CADM3: variants seen among roughly 807,000 people sequenced by gnomAD.
The protein encoded by CADM3 is cell adhesion molecule 3, also known as TSLC1-like 1.
Under a neutral mutation model 44.9 loss-of-function variants are expected in CADM3, and 11 were observed. The observed-to-expected ratio is 0.25, with a 90% confidence interval of 0.15 to 0.41. The LOEUF (loss-of-function observed/expected upper bound fraction) is 0.41. CADM3 is among the 10% of genes least tolerant of loss of function. The pLI, the probability that CADM3 is intolerant of heterozygous loss-of-function variation, is 1.00. For missense variants in CADM3, 426 were observed against 512.0 expected (o/e 0.83, Z 1.62); for synonymous variants, 207 against 205.2 (o/e 1.01, Z -0.08).
chr1:159,192,114 T>G, intron 2 of CADM3, 38 bp downstream of exon 2: 1 of 1,608,878 alleles, frequency 6.2e-7, no homozygotes, highest in South Asian at 1.1e-5. Context: ...GTGAAAACCA[T>G]GGGCTAGAGA....
intron 1 of CADM3, among the ~76,000 whole-genome samples, chr1:159,191,725 G>A (rs961245423): frequency 2.6e-5 from 4 of 152,116 alleles, no homozygotes; most frequent in African/African-American, 9.7e-5. Flanking sequence ...TTGTTTTTCT[G>A]TGTATTCAAA....
chr1:159,184,917 GA>G lies in CADM3; in HGVS notation c.89-7015del, dbSNP rs1296215368. 2.6e-5 allele frequency among the ~76,000 whole-genome samples: 4 copies of G among 152,146 alleles called. No homozygotes were observed. In the East Asian group the frequency reaches 7.7e-4, roughly 29 times the overall value. ...TCTTAATATGAACAATCAATAAGAA[GA>G]AAATCAGTGGGTGAAAGGGCTACTT... On this transcript the variant is annotated intron_variant, in intron 1 of 8. Transcript: ENST00000368125.
Position 159,201,008 on chromosome 1 carries a change from G to C in CADM3, c.*86G>C. 1 of 874,666 alleles carries C rather than the reference G, an allele frequency of 1.1e-6. No homozygotes were observed. Among genetic ancestry groups the C allele is most frequent in the South Asian group, 2.0e-5 (1 of 49,636 alleles). The allele number at this position is 874,666 out of a possible 1,614,324, so 54.2% of individuals were successfully genotyped here. On this transcript the variant is annotated 3_prime_UTR_variant, in exon 9 of 9. Transcript: ENST00000368125. Reference sequence around the variant, plus strand: ...CAACCCGGACTTGTACAGAGCAACCGCAGGGCCGCCCCTCCCGCTTGCTCC... The same window carrying C: ...CAACCCGGACTTGTACAGAGCAACCCCAGGGCCGCCCCTCCCGCTTGCTCC...
At chr1:159,172,079 G>C (rs1557926879) in intron 1 of CADM3, among the ~76,000 whole-genome samples, 1 of 152,190 alleles carries the variant, frequency 6.6e-6, no homozygotes, top group Non-Finnish European at 1.5e-5. Context: ...GCGTGTGTCT[G>C]CGTGTGCACC....
intron 1 of CADM3, among the ~76,000 whole-genome samples, chr1:159,181,651 C>A (rs575920853): frequency 2.0e-5 from 3 of 152,272 alleles, no homozygotes; most frequent in East Asian, 3.9e-4. Context: ...GGGATCAAAT[C>A]CCCTCCCTTT....
Position 159,192,690 on chromosome 1 carries a change from T to C in CADM3, c.342T>C (p.Thr114=), listed in dbSNP as rs751327260. The C allele has an allele frequency of 6.2e-7, 1 of 1,614,090 alleles. No homozygotes were observed. ...GCGAGTACACCTGCTCAATCTTCAC[T>C]ATGCCTGTGCGAACTGCCAAGTCCC... ...DEGEYTCSIF[T]MPVRTAKSLV... Residue 114 remains threonine, a synonymous_variant, in exon 3 of 9, where the codon ACT becomes ACC. Transcript: ENST00000368125.
At position 159,188,337 on chromosome 1, in the gene CADM3, G is replaced by C. The variant is rs927015773; in HGVS notation, c.89-3599G>C. 2.4e-5 allele frequency among the ~76,000 whole-genome samples: 3 copies of C among 122,562 alleles called. No individual in the cohort carries two copies. The South Asian group carries it at 8.4e-4, about 34-fold the overall frequency. The allele number at this position is 122,562 out of a possible 152,430, so 80.4% of individuals were successfully genotyped here. On this transcript the variant is annotated intron_variant, in intron 1 of 8. Transcript: ENST00000368125. ...CCTCTCCCCTCTCCTCTCGCCCCTC[G>C]CCTCTCTTTCCCTTTGCTTCTGATT...
At chr1:159,176,964 G>A (rs1649041910) in intron 1 of CADM3, among the ~76,000 whole-genome samples, 1 of 152,094 alleles carries the variant, frequency 6.6e-6, no homozygotes, top group Non-Finnish European at 1.5e-5. Flanking sequence ...TAGTGTGATT[G>A]TCTGAACTAC....
rs772803114 is a variant in CADM3, at chr1:159,200,838, C to T, written c.1113C>T (p.Asp371=). 26 of 1,609,100 alleles carry T rather than the reference C, an allele frequency of 1.6e-5. No homozygotes were observed. Among genetic ancestry groups the T allele is most frequent in the Non-Finnish European group, 2.0e-5 (24 of 1,177,484 alleles). ...TYLTHEAKGS[D]DAPDADTAII... is the part of the protein sequence containing the mutation. ...TGACACATGAGGCAAAAGGCTCCGACGATGCTCCAGACGCGGACACGGCCA... is the reference window on the plus strand; with the variant it reads ...TGACACATGAGGCAAAAGGCTCCGATGATGCTCCAGACGCGGACACGGCCA... The change falls in exon 9 of 9, where the codon GAC becomes GAT. Residue 371 remains aspartate (D), a synonymous_variant. Coordinates refer to ENST00000368125, the MANE Select transcript of CADM3 (RefSeq NM_001127173.3).
In CADM3 at chr1:159,192,580, C is replaced by G. The variant is rs1416548905; in HGVS notation, c.232C>G (p.Leu78Val). 1 of 1,614,150 alleles carries G rather than the reference C, an allele frequency of 6.2e-7. No individual in the cohort carries two copies. Among genetic ancestry groups the G allele is most frequent in the South Asian group, 1.1e-5 (1 of 91,080 alleles). ...TTCCATTCTCTTGATTTCCCCAGCC[C>G]TTCGAGATAATCGAATTCAGCTGGT... The part of the protein sequence containing the change: ...QTLYFGEKRA[L>V]RDNRIQLVTS... The change falls in exon 3 of 9, where the codon CTT becomes GTT. Residue 78 changes from leucine (L) to valine (V), a missense_variant and splice_region_variant. Physicochemically the swap from Leu to Val is conservative, Grantham distance 32. This residue lies in a region of CADM3 where 362 missense variants were observed against 474.6 expected (regional missense o/e 0.76). Coordinates refer to ENST00000368125, the MANE Select transcript of CADM3 (RefSeq NM_001127173.3).
rs1408479501 is a variant in CADM3 at position 159,202,897 on chromosome 1, C to G, written c.*1975C>G. 1 of 151,626 alleles carries G rather than the reference C, an allele frequency of 6.6e-6. No individual in the cohort carries two copies. The highest frequency in any genetic ancestry group is 6.6e-5 in the Admixed American group (1 of 15,226). 9.4% of individuals were successfully genotyped at this position (151,626 alleles called of 1,614,324 possible). ...CCAGGCCTGTTGAGCTTCTTGTCTC[C>G]CAGCACCCGCTTTTGGGAAAATGAC... On this transcript the variant is annotated 3_prime_UTR_variant, in exon 9 of 9. Coordinates refer to ENST00000368125, the MANE Select transcript of CADM3 (RefSeq NM_001127173.3).
chr1:159,187,481 T>C (rs932905180), intron 1 of CADM3, among the ~76,000 whole-genome samples: 2 of 152,230 alleles, frequency 1.3e-5, no homozygotes, highest in Non-Finnish European at 2.9e-5. Context: ...TTGAACCTCA[T>C]TGTAAAAAGC....
At position 159,191,173 on chromosome 1, in the gene CADM3, A is replaced by G. The variant is rs548981440; in HGVS notation, c.89-763A>G. The stretch of plus-strand genomic sequence containing the variant: ...GTTTTGTTTTGTTTTGTTTAACTTG[A>G]CTAAGGAGAGAAGGATTAGAAAGCA... On this transcript the variant is annotated intron_variant, in intron 1 of 8. Coordinates refer to ENST00000368125, the MANE Select transcript of CADM3 (RefSeq NM_001127173.3). Among the ~76,000 whole-genome samples, 58 of 152,328 alleles carry G rather than the reference A, an allele frequency of 3.8e-4. 1 individual carries two copies. The South Asian group carries it at 0.012, about 32-fold the overall frequency.
chr1:159,196,728 AAG>A, intron 6 of CADM3, 161 bp from the exon 7 acceptor site: 1 of 718,134 alleles, frequency 1.4e-6, no homozygotes, highest in East Asian at 2.7e-5. Context: ...AACGAACCCC[AAG>A]AGGCCACCTG....
chr1:159,198,789 C>T (rs938988930), intron 7 of CADM3, among the ~76,000 whole-genome samples: 1 of 152,094 alleles, frequency 6.6e-6, no homozygotes, highest in Non-Finnish European at 1.5e-5. Context: ...TTGCCACACC[C>T]GGCCCAGTCT....
At chr1:159,192,237 T>C (rs987999711) in intron 2 of CADM3, among the ~76,000 whole-genome samples, 161 bp downstream of exon 2, 2 of 152,184 alleles carry the variant, frequency 1.3e-5, no homozygotes, top group African/African-American at 4.8e-5. Flanking sequence ...GGTTCCAGTA[T>C]TGCAGCTCTG....
At chr1:159,183,373 T>C (rs1649303453) in intron 1 of CADM3, among the ~76,000 whole-genome samples, 1 of 152,182 alleles carries the variant, frequency 6.6e-6, no homozygotes, top group South Asian at 2.1e-4. Flanking sequence ...CAGAGTAGTT[T>C]ATCAAGAGGC....
intron 1 of CADM3, among the ~76,000 whole-genome samples, chr1:159,188,620 C>T (rs1226386640): frequency 3.3e-5 from 5 of 152,154 alleles, no homozygotes; most frequent in Non-Finnish European, 7.3e-5. Context: ...GATGAGCTCA[C>T]TGAATTTTGC....
Position 159,200,510 on chromosome 1 carries a change from G to A in CADM3, c.1079-294G>A, listed in dbSNP as rs536714324. On this transcript the variant is annotated intron_variant, in intron 8 of 8. Coordinates refer to ENST00000368125, the MANE Select transcript of CADM3 (RefSeq NM_001127173.3). Reference sequence around the variant, plus strand: ...CGCATGCATACACACACACACGCATGCGTGCAAGCACACACACACACACAC... The same window carrying A: ...CGCATGCATACACACACACACGCATACGTGCAAGCACACACACACACACAC... Among the ~76,000 whole-genome samples the A allele has an allele frequency of 1.0e-3, 112 of 111,378 alleles. 1 individual carries two copies. The highest frequency in any genetic ancestry group is 5.0e-3 in the African/African-American group (110 of 21,990). The allele number at this position is 111,378 out of a possible 152,430, so 73.1% of individuals were successfully genotyped here. A position where few individuals can be genotyped will look rare whatever the true frequency, so the allele number is the denominator to read the frequency against.
Sources: allele counts gnomAD v4.1 joint callset (sites outside exome capture counted in the v4.1 genomes callset), GRCh38; gene constraint gnomAD v4.1.1; regional missense constraint gnomAD v4.1.1; transcripts MANE v1.5; gene names NCBI Gene and HGNC (gene_info 2026-07-23, HGNC 2026-07-21).